Variants in RABL3 observed in about 807,000 individuals in gnomAD.
RABL3 encodes the protein RAB, member of RAS oncogene family like 3, also known as rab-like protein 3.
Under a neutral mutation model 31.8 loss-of-function variants are expected in RABL3, and 31 were observed. That is an observed-to-expected ratio of 0.97 (90% confidence interval 0.73 to 1.31). The LOEUF (loss-of-function observed/expected upper bound fraction) is 1.31, where lower values mean the gene tolerates loss of function less well. RABL3 is among the 40% of genes most tolerant of loss of function. The probability of loss-of-function intolerance (pLI) is 0.00; values close to 1 mark genes in which losing one functional copy is unlikely to be tolerated. For missense variants in RABL3, 263 were observed against 279.6 expected (o/e 0.94, Z 0.42); for synonymous variants, 97 against 99.9 (o/e 0.97, Z 0.18).
chr3:120,712,586 C>T (rs1708624435), intron 2 of RABL3, among the ~76,000 whole-genome samples: 1 of 152,124 alleles, frequency 6.6e-6, no homozygotes, highest in African/African-American at 2.4e-5. Context: ...TGGTACTCCT[C>T]CTATTTGCTT....
intron 2 of RABL3, among the ~76,000 whole-genome samples, chr3:120,714,619 T>G (rs1324266552): frequency 6.6e-6 from 1 of 152,228 alleles, no homozygotes; most frequent in African/African-American, 2.4e-5. Context: ...CTCTATTTCC[T>G]CTCTGCCAGT....
intron 1 of RABL3, among the ~76,000 whole-genome samples, chr3:120,741,970 TG>T: frequency 6.6e-6 from 1 of 152,270 alleles, no homozygotes; most frequent in South Asian, 2.1e-4. Context: ...ATCTGTAAAA[TG>T]GGATAACAGG....
At chr3:120,716,040 C>T (rs1396625979) in intron 2 of RABL3, among the ~76,000 whole-genome samples, 1 of 152,212 alleles carries the variant, frequency 6.6e-6, no homozygotes, top group Non-Finnish European at 1.5e-5. Context: ...AAGATAGAGA[C>T]TATTCCTCTA....
intron 2 of RABL3, among the ~76,000 whole-genome samples, chr3:120,719,233 C>T (rs1185316622): frequency 6.6e-6 from 1 of 152,128 alleles, no homozygotes; most frequent in East Asian, 1.9e-4. Context: ...GCCAGGATGG[C>T]CGAATAGGAA....
intron 2 of RABL3, among the ~76,000 whole-genome samples, chr3:120,727,011 T>C (rs1708829439): frequency 6.6e-6 from 1 of 151,500 alleles, no homozygotes; most frequent in Non-Finnish European, 1.5e-5. Context: ...ATGAAAAAAA[T>C]TTTAGGAATG....
chr3:120,714,413 T>C (rs866852191), intron 2 of RABL3, among the ~76,000 whole-genome samples: 2 of 152,202 alleles, frequency 1.3e-5, no homozygotes, highest in African/African-American at 4.8e-5. Flanking sequence ...AACATATGTA[T>C]TGAAGGAAGA....
At chr3:120,691,232 C>T (rs1708376673) in intron 6 of RABL3, among the ~76,000 whole-genome samples, 1 of 152,146 alleles carries the variant, frequency 6.6e-6, no homozygotes, top group Non-Finnish European at 1.5e-5. Context: ...CCCTAAAGAG[C>T]ACCATGTTTC....
At chr3:120,729,301 C>A (rs114647096) in intron 2 of RABL3, among the ~76,000 whole-genome samples, 432 of 152,212 alleles carry the variant, frequency 2.8e-3, no homozygotes, top group Non-Finnish European at 5.0e-3. Flanking sequence ...GAAATCCTTA[C>A]GGTCTTGGCA....
intron 2 of RABL3, among the ~76,000 whole-genome samples, chr3:120,713,412 C>A (rs892845214): frequency 6.6e-6 from 1 of 152,216 alleles, no homozygotes; most frequent in Non-Finnish European, 1.5e-5. Context: ...TTACATCTTT[C>A]ACATGTGTGA....
intron 5 of RABL3, among the ~76,000 whole-genome samples, chr3:120,695,465 A>G (rs1708426801): frequency 6.6e-6 from 1 of 152,146 alleles, no homozygotes; most frequent in African/African-American, 2.4e-5. Flanking sequence ...GGGGATAACA[A>G]TATTTTATTT....
chr3:120,726,000 T>C (rs1210261561), intron 2 of RABL3, among the ~76,000 whole-genome samples: 1 of 152,134 alleles, frequency 6.6e-6, no homozygotes, highest in African/African-American at 2.4e-5. Context: ...CATTTTTTTA[T>C]GGAGGCGGGG....
intron 1 of RABL3, among the ~76,000 whole-genome samples, chr3:120,736,857 G>T (rs1046313527): frequency 6.6e-6 from 1 of 152,142 alleles, no homozygotes; most frequent in African/African-American, 2.4e-5. Context: ...GTTGAATATT[G>T]GTCCTCACTC....
chr3:120,698,522 T>C lies in RABL3; in HGVS notation c.435A>G (p.Ile145Met). The change falls in exon 5 of 8, where the codon ATA (isoleucine) becomes ATG (methionine). Residue 145 changes from isoleucine to methionine, a missense_variant. Coordinates refer to ENST00000273375, the MANE Select transcript of RABL3 (RefSeq NM_173825.5). ...FADNQIPLLV[I>M]GTKLDQIHET... is the part of the protein sequence containing the mutation. ...CATGAATCTGGTCCAGTTTAGTCCC[T>C]ATTACCAACAGTGGTATTTGGTTAT... 1 of 1,613,534 alleles carries C rather than the reference T, an allele frequency of 6.2e-7. No individual in the cohort carries two copies. Among genetic ancestry groups the C allele is most frequent in the Non-Finnish European group, 8.5e-7 (1 of 1,179,474 alleles).
At chr3:120,708,839 G>A (rs1708580346) in intron 3 of RABL3, among the ~76,000 whole-genome samples, 1 of 151,928 alleles carries the variant, frequency 6.6e-6, no homozygotes, top group African/African-American at 2.4e-5. Flanking sequence ...GGTCTGAACT[G>A]ACACATCTCA....
intron 2 of RABL3, among the ~76,000 whole-genome samples, chr3:120,725,739 T>A (rs901728536): frequency 3.3e-5 from 5 of 152,010 alleles, no homozygotes; most frequent in African/African-American, 1.2e-4. Context: ...TAGGTGGGAA[T>A]TGAACAATGA....
At chr3:120,725,191 A>T (rs1473586667) in intron 2 of RABL3, among the ~76,000 whole-genome samples, 1 of 152,246 alleles carries the variant, frequency 6.6e-6, no homozygotes, top group Non-Finnish European at 1.5e-5. Context: ...AAGACACATG[A>T]AAAAATGCTC....
intron 5 of RABL3, among the ~76,000 whole-genome samples, chr3:120,696,709 A>AT (rs1177553796): frequency 1.9e-4 from 29 of 152,182 alleles, no homozygotes; most frequent in Non-Finnish European, 4.1e-4. Context: ...GCTGAAACAA[A>AT]TTAAGTGTTT....
intron 2 of RABL3, among the ~76,000 whole-genome samples, chr3:120,721,625 T>A (rs980415365): frequency 6.6e-5 from 10 of 152,146 alleles, no homozygotes; most frequent in African/African-American, 2.4e-4. Flanking sequence ...CAAGAACAGC[T>A]AACTATCCTA....
intron 1 of RABL3, among the ~76,000 whole-genome samples, chr3:120,735,564 A>G (rs1032594270): frequency 2.6e-5 from 4 of 151,864 alleles, no homozygotes; most frequent in African/African-American, 9.7e-5. Context: ...CTCTGATCTT[A>G]GTTATTTCTT....
Sources: allele counts gnomAD v4.1 joint callset (sites outside exome capture counted in the v4.1 genomes callset), GRCh38; gene constraint gnomAD v4.1.1; transcripts MANE v1.5; gene names NCBI Gene and HGNC (gene_info 2026-07-23, HGNC 2026-07-21).